ROBO2: variants seen among roughly 807,000 people sequenced by gnomAD.
ROBO2 encodes the protein roundabout guidance receptor 2, also known as roundabout homolog 2.
ROBO2 carries 53 observed loss-of-function variants against 160.8 expected under a neutral mutation model. That is an observed-to-expected ratio of 0.33 (90% CI 0.26 to 0.41). The LOEUF (loss-of-function observed/expected upper bound fraction) is 0.41, where lower values mean the gene tolerates loss of function less well. Among genes scored for constraint, ROBO2 ranks in the 10% least tolerant of loss-of-function variants. ROBO2 has a pLI of 1.00. For synonymous variants in ROBO2, 664 were observed against 611.7 expected (o/e 1.09, Z -1.26); for missense variants, 1,577 against 1,722.4 (o/e 0.92, Z 1.49).
chr3:76,892,789 A>G (rs2074450140), intron 2 of ROBO2, among the ~76,000 whole-genome samples: 1 of 152,176 alleles, frequency 6.6e-6, no homozygotes, highest in Non-Finnish European at 1.5e-5. Flanking sequence ...TTCTCTAGCC[A>G]ATTCACTTTC....
Position 77,040,213 on chromosome 3 carries a change from T to G in ROBO2, c.-573T>G, listed in dbSNP as rs1385070376. 3.0e-6 allele frequency: 3 copies of G among 986,576 alleles called. No homozygotes were observed. The African/African-American group carries it at 5.2e-5, about 17-fold the overall frequency. 61.1% of individuals were successfully genotyped at this position (986,576 alleles called of 1,614,324 possible). A position where few individuals can be genotyped will look rare whatever the true frequency, so the allele number is the denominator to read the frequency against. On this transcript the variant is annotated 5_prime_UTR_variant, in exon 1 of 26. Transcript: ENST00000461745. ...CTGCAAAGGAGAGGCCCGCCAAGTC[T>G]GCCCGCCTGCAAAGTGTTGCTTTGA...
At chr3:76,322,223 A>G (rs988515775) in intron 2 of ROBO2, among the ~76,000 whole-genome samples, 6 of 147,958 alleles carry the variant, frequency 4.1e-5, no homozygotes, top group Non-Finnish European at 7.4e-5. Context: ...ACACATATAT[A>G]CACACAGACA....
chr3:77,051,981 C>A (rs971162503), intron 1 of ROBO2, among the ~76,000 whole-genome samples: 2 of 152,170 alleles, frequency 1.3e-5, no homozygotes, highest in South Asian at 2.1e-4. Flanking sequence ...TTTACTGAAC[C>A]CTTTTTGATA....
exon 1 of ROBO2, chr3:77,040,653 CTCT>C (rs1452637856): frequency 1.3e-6 from 2 of 1,560,854 alleles, no homozygotes; most frequent in Admixed American, 1.9e-5. Context: ...TTGCGATTTG[CTCT>C]TCTTGACTTT....
intron 2 of ROBO2, among the ~76,000 whole-genome samples, chr3:76,500,213 G>A (rs1313359833): frequency 6.6e-6 from 1 of 152,038 alleles, no homozygotes; most frequent in Non-Finnish European, 1.5e-5. Context: ...TGACTTCCTG[G>A]GATCAAGCAA....
chr3:76,073,537 C>T (rs1486880843), intron 2 of ROBO2, among the ~76,000 whole-genome samples: 4 of 151,802 alleles, frequency 2.6e-5, no homozygotes, highest in Admixed American at 6.6e-5. Context: ...GTGATCCACC[C>T]GCCTCAGCCT....
intron 6 of ROBO2, among the ~76,000 whole-genome samples, chr3:77,533,026 T>C (rs1295817756): frequency 6.6e-6 from 1 of 152,194 alleles, no homozygotes; most frequent in Non-Finnish European, 1.5e-5. Flanking sequence ...GATTTTGTTT[T>C]GGTTCCTATC....
At chr3:76,282,928 C>G (rs892543014) in intron 2 of ROBO2, among the ~76,000 whole-genome samples, 3 of 150,556 alleles carry the variant, frequency 2.0e-5, no homozygotes, top group African/African-American at 7.3e-5. Flanking sequence ...GTTTTTATAG[C>G]ATTTATTTTA....
chr3:77,264,670 C>T (rs2059012622), intron 2 of ROBO2, among the ~76,000 whole-genome samples: 1 of 152,074 alleles, frequency 6.6e-6, no homozygotes, highest in South Asian at 2.1e-4. Flanking sequence ...CATTCACAGA[C>T]TTCTAGAATC....
intron 2 of ROBO2, among the ~76,000 whole-genome samples, chr3:77,429,947 G>T (rs952414837): frequency 1.3e-5 from 2 of 152,100 alleles, no homozygotes; most frequent in African/African-American, 4.8e-5. Context: ...GGAGCCCCTG[G>T]CCCACTCTGC....
In ROBO2 at chr3:77,558,163, G is replaced by A; in HGVS notation, c.1437+14G>A. 1 of 1,604,456 alleles carries A rather than the reference G, an allele frequency of 6.2e-7. No individual in the cohort carries two copies. Among genetic ancestry groups the A allele is most frequent in the Non-Finnish European group, 8.5e-7 (1 of 1,171,734 alleles). ...AAGAATTTACGGGTAAGTAATATTG[G>A]ACTTGTACATGAATTATCATCTACA... On this transcript the variant is annotated intron_variant, in intron 9 of 25. Coordinates refer to ENST00000461745, the Ensembl canonical transcript of ROBO2.
chr3:76,537,619 G>T (rs1378442801), intron 2 of ROBO2, among the ~76,000 whole-genome samples: 4 of 152,088 alleles, frequency 2.6e-5, no homozygotes, highest in Admixed American at 6.6e-5. Context: ...TGGAGAGAGG[G>T]TGAGGACAGG....
chr3:76,915,623 T>C (rs1182721683), intron 2 of ROBO2, among the ~76,000 whole-genome samples: 1 of 149,776 alleles, frequency 6.7e-6, no homozygotes, highest in African/African-American at 2.5e-5. Flanking sequence ...TGAGCCAAGA[T>C]TGCGTCACTG....
intron 2 of ROBO2, among the ~76,000 whole-genome samples, chr3:76,260,470 A>G (rs956529696): frequency 6.6e-6 from 1 of 152,102 alleles, no homozygotes; most frequent in Admixed American, 6.6e-5. Flanking sequence ...GCTTTGATTA[A>G]TATGTGGAAA....
At chr3:77,562,758 A>G (rs2093362640) in intron 10 of ROBO2, 26 bp downstream of exon 11, 9 of 1,531,374 alleles carry the variant, frequency 5.9e-6, no homozygotes, top group East Asian at 2.3e-5. Flanking sequence ...ATTAGGAGAA[A>G]TCTTGGGCCC....
At chr3:76,871,044 C>T (rs80241819) in intron 2 of ROBO2, among the ~76,000 whole-genome samples, 2,467 of 152,250 alleles carry the variant, frequency 0.016, 51 homozygotes, top group East Asian at 0.097. Flanking sequence ...GAAACTTACT[C>T]TGTAGTTCTT....
At chr3:76,878,307 G>C (rs554846716) in intron 2 of ROBO2, among the ~76,000 whole-genome samples, 1 of 152,216 alleles carries the variant, frequency 6.6e-6, no homozygotes, top group Non-Finnish European at 1.5e-5. Context: ...CTCATAAGCA[G>C]CTAATGTTAA....
chr3:77,498,540 A>C (rs984148583), intron 5 of ROBO2, among the ~76,000 whole-genome samples: 1 of 152,196 alleles, frequency 6.6e-6, no homozygotes, highest in African/African-American at 2.4e-5. Flanking sequence ...TTTTAGTTCC[A>C]TGAAATGTGA....
At chr3:76,735,789 G>GA (rs199726738) in intron 2 of ROBO2, among the ~76,000 whole-genome samples, 1,974 of 125,318 alleles carry the variant, frequency 0.016, 100 homozygotes, top group African/African-American at 0.056. Context: ...AAAAAAAAGG[G>GA]GAAAGGGAAA....
Sources: allele counts gnomAD v4.1 joint callset (sites outside exome capture counted in the v4.1 genomes callset), GRCh38; gene constraint gnomAD v4.1.1; transcripts MANE v1.5; gene names NCBI Gene and HGNC (gene_info 2026-07-23, HGNC 2026-07-21).